The following TMCO4 variants were observed in gnomAD, a reference collection of about 807,000 sequenced individuals.
The protein encoded by TMCO4 is transmembrane and coiled-coil domain-containing protein 4.
Under a neutral mutation model 64.7 loss-of-function variants are expected in TMCO4, and 58 were observed. The ratio of observed to expected loss-of-function variants is 0.90; its 90% confidence interval spans 0.73 to 1.12. The LOEUF (loss-of-function observed/expected upper bound fraction) is 1.12, where lower values mean the gene tolerates loss of function less well. TMCO4 is among the 50% of genes most tolerant of loss of function. The probability of loss-of-function intolerance (pLI) is 0.00; values close to 1 mark genes in which losing one functional copy is unlikely to be tolerated. For synonymous variants in TMCO4, 325 were observed against 346.1 expected (o/e 0.94, Z 0.68); for missense variants, 780 against 825.9 (o/e 0.94, Z 0.68).
chr1:19,768,090 T>A (rs1233390602), intron 6 of TMCO4, among the ~76,000 whole-genome samples: 2 of 118,630 alleles, frequency 1.7e-5, no homozygotes, highest in African/African-American at 7.6e-5. Context: ...CGAAACTTCA[T>A]CTCAAAAAAA....
At chr1:19,762,282 G>T (rs756086909) in intron 6 of TMCO4, among the ~76,000 whole-genome samples, 6 of 152,164 alleles carry the variant, frequency 3.9e-5, no homozygotes, top group Non-Finnish European at 8.8e-5. Context: ...CCTAGATCAT[G>T]GGCCACAGGC....
At chr1:19,714,762 A>G (rs187277084) in intron 13 of TMCO4, among the ~76,000 whole-genome samples, 171 of 152,192 alleles carry the variant, frequency 1.1e-3, no homozygotes, top group Non-Finnish European at 2.2e-3. Context: ...GTCTCTATTA[A>G]AAATACAAAA....
chr1:19,715,154 C>A (rs2095349686), intron 13 of TMCO4, among the ~76,000 whole-genome samples: 1 of 152,052 alleles, frequency 6.6e-6, no homozygotes, highest in South Asian at 2.1e-4. Flanking sequence ...ATCACTTCAG[C>A]CCGGAGGGGG....
At chr1:19,771,278 C>G (rs1316452172) in intron 5 of TMCO4, 30 bp downstream of exon 5, 1 of 1,605,422 alleles carries the variant, frequency 6.2e-7, no homozygotes, top group African/African-American at 1.3e-5. Flanking sequence ...TCTACTGTCC[C>G]CAGCAGCCAC....
intron 7 of TMCO4, among the ~76,000 whole-genome samples, chr1:19,753,251 C>A (rs912148028): frequency 2.0e-5 from 3 of 152,180 alleles, no homozygotes; most frequent in Non-Finnish European, 2.9e-5. Context: ...TGAGCCACTG[C>A]GCCTGGCCTA....
At position 19,743,446 on chromosome 1, in the gene TMCO4, T is replaced by A. The variant is rs2041622818; in HGVS notation, c.877+2086A>T. Among the ~76,000 whole-genome samples the A allele has an allele frequency of 6.6e-6, 1 of 152,230 alleles. No individual in the cohort carries two copies. The highest frequency in any genetic ancestry group is 1.5e-5 in the Non-Finnish European group (1 of 68,036). On this transcript the variant is annotated intron_variant, in intron 10 of 15. Coordinates refer to ENST00000294543, the MANE Select transcript of TMCO4 (RefSeq NM_181719.7). The surrounding 1 kb of genome is among the most constrained non-coding windows in gnomAD (Gnocchi z 4.1). The stretch of plus-strand genomic sequence containing the variant: ...TGATGATAAGGCTTCTTTTCCTGGC[T>A]CTCGAGGAGGTAGGAATATGTGATA...
At chr1:19,758,162 C>T (rs1212822617) in intron 6 of TMCO4, among the ~76,000 whole-genome samples, 1 of 152,166 alleles carries the variant, frequency 6.6e-6, no homozygotes, top group Non-Finnish European at 1.5e-5. Context: ...TTTGAGGTTT[C>T]GGCTTCTGCA....
intron 15 of TMCO4, among the ~76,000 whole-genome samples, chr1:19,693,771 G>A (rs1370911656): frequency 6.6e-6 from 1 of 152,196 alleles, no homozygotes; most frequent in Non-Finnish European, 1.5e-5. Flanking sequence ...TAGCAGGCAG[G>A]TGCTTCTGCT....
chr1:19,713,511 C>T (rs544689578), intron 13 of TMCO4, among the ~76,000 whole-genome samples: 1 of 152,158 alleles, frequency 6.6e-6, no homozygotes, highest in African/African-American at 2.4e-5. Context: ...ACATAAAGAA[C>T]TGGAGGAGTG....
intron 2 of TMCO4, 197 bp downstream of exon 2, chr1:19,797,936 GAGAA>G (rs1295563803): frequency 7.2e-6 from 1 of 138,108 alleles, no homozygotes. Flanking sequence ...GGGAGAGAGA[GAGAA>G]AGAGAGAGAA....
At chr1:19,784,271 C>T (rs1035441856) in intron 3 of TMCO4, among the ~76,000 whole-genome samples, 3 of 152,146 alleles carry the variant, frequency 2.0e-5, no homozygotes, top group Non-Finnish European at 2.9e-5. Flanking sequence ...CGGTAGCTCA[C>T]GCCTGTAATC....
intron 13 of TMCO4, among the ~76,000 whole-genome samples, chr1:19,731,538 A>G (rs911272018): frequency 3.3e-5 from 5 of 152,306 alleles, no homozygotes; most frequent in African/African-American, 1.2e-4. Context: ...GAGCTCACAC[A>G]CTTGTAGCAA....
chr1:19,756,118 G>A (rs2042244712), intron 6 of TMCO4, among the ~76,000 whole-genome samples: 2 of 152,108 alleles, frequency 1.3e-5, no homozygotes, highest in African/African-American at 2.4e-5. Context: ...AGGCATTGTG[G>A]TGCATGCCTG....
At chr1:19,769,159 A>AG (rs1415795979) in intron 6 of TMCO4, among the ~76,000 whole-genome samples, 1 of 152,154 alleles carries the variant, frequency 6.6e-6, no homozygotes, top group Non-Finnish European at 1.5e-5. Flanking sequence ...GACAAACGCT[A>AG]GGATTCCTGA....
chr1:19,698,073 C>A (rs541999839), intron 14 of TMCO4, among the ~76,000 whole-genome samples: 1 of 152,174 alleles, frequency 6.6e-6, no homozygotes, highest in South Asian at 2.1e-4. Flanking sequence ...TGAGCTGAAC[C>A]GGGAACTCGC....
intron 14 of TMCO4, among the ~76,000 whole-genome samples, chr1:19,699,927 T>C (rs912813754): frequency 2.6e-5 from 4 of 152,206 alleles, no homozygotes; most frequent in African/African-American, 4.8e-5. Context: ...GGGCAGTTGC[T>C]ACCAGTATCC....
At chr1:19,726,878 T>C (rs980665144) in intron 13 of TMCO4, among the ~76,000 whole-genome samples, 2 of 152,220 alleles carry the variant, frequency 1.3e-5, no homozygotes, top group African/African-American at 4.8e-5. Context: ...CTCGGCTACA[T>C]GATGGATTTA....
chr1:19,716,381 C>CTTTTTTTTTTTTTTTTTTTTTTTCTT (rs1262772167), intron 13 of TMCO4, among the ~76,000 whole-genome samples: 1 of 124,470 alleles, frequency 8.0e-6, no homozygotes, highest in Non-Finnish European at 1.7e-5. Context: ...TTTTTTCTTT[C>CTTTTTTTTTTTTTTTTTTTTTTTCTT]TTTTTTTTTT....
chr1:19,695,838 T>TC (rs1451742556), intron 14 of TMCO4, among the ~76,000 whole-genome samples: 1 of 152,154 alleles, frequency 6.6e-6, no homozygotes, highest in Non-Finnish European at 1.5e-5. Context: ...AGTGAGATCA[T>TC]CCGTCCCTAA....
Sources: allele counts gnomAD v4.1 joint callset (sites outside exome capture counted in the v4.1 genomes callset), GRCh38; gene constraint gnomAD v4.1.1; non-coding constraint Gnocchi (gnomAD v3.1); transcripts MANE v1.5; gene names NCBI Gene and HGNC (gene_info 2026-07-23, HGNC 2026-07-21).